TMEM132B: variants seen among roughly 807,000 people sequenced by gnomAD.
TMEM132B encodes the protein transmembrane protein 132B.
Under a neutral mutation model 90.8 loss-of-function variants are expected in TMEM132B, and 18 were observed. The ratio of observed to expected loss-of-function variants is 0.20; its 90% CI spans 0.14 to 0.29. TMEM132B has a LOEUF of 0.29. Among genes scored for constraint, TMEM132B ranks in the 10% least tolerant of loss-of-function variants. The pLI, the probability that TMEM132B is intolerant of heterozygous loss-of-function variation, is 1.00. For missense variants in TMEM132B, 1,096 were observed against 1,326.8 expected, an observed-to-expected ratio of 0.83 and a Z score of 2.70; for synonymous variants, 504 against 523.3, an observed-to-expected ratio of 0.96 and a Z score of 0.50.
chr12:125,445,759 C>T lies in TMEM132B; in HGVS notation c.1106+30082C>T, dbSNP rs1415630838. The stretch of plus-strand genomic sequence containing the variant: ...TGCTGCCCTGACACCCTCTGCTTAC[C>T]CCACCAGCCTGCACCGCGGAGAGTT... On this transcript the variant is annotated intron_variant, in intron 3 of 8. Coordinates refer to ENST00000682704, the MANE Select transcript of TMEM132B (RefSeq NM_001366854.1). The surrounding 1 kb of genome is among the most constrained non-coding windows in gnomAD (Gnocchi z 4.3). Among the ~76,000 whole-genome samples the T allele has an allele frequency of 6.6e-6, 1 of 152,164 alleles. No homozygotes were observed. Among genetic ancestry groups the T allele is most frequent in the Non-Finnish European group, 1.5e-5 (1 of 68,030 alleles).
rs575545321 is a variant in TMEM132B at position 125,575,931 on chromosome 12, G to T, written c.1294-7920G>T. Among the ~76,000 whole-genome samples the T allele has an allele frequency of 5.3e-5, 8 of 152,116 alleles. 1 individual carries two copies. The South Asian group carries it at 1.7e-3, about 32-fold the overall frequency. On this transcript the variant is annotated intron_variant, in intron 4 of 8. Transcript: ENST00000682704. ...ATCAGGAAGTGTGAGCCTTCCAACTGTTATTTATCCAGATTGCTATGGCTA... is the reference window on the plus strand; with the variant it reads ...ATCAGGAAGTGTGAGCCTTCCAACTTTTATTTATCCAGATTGCTATGGCTA...
chr12:125,221,959 G>A (rs533947470), intron 1 of TMEM132B, among the ~76,000 whole-genome samples: 23 of 152,298 alleles, frequency 1.5e-4, no homozygotes, highest in African/African-American at 4.6e-4. Flanking sequence ...CTCATGGAGC[G>A]GTTGTGGAGC....
intron 2 of TMEM132B, among the ~76,000 whole-genome samples, chr12:125,357,153 A>G (rs1877802911): frequency 6.6e-6 from 1 of 152,256 alleles, no homozygotes; most frequent in Non-Finnish European, 1.5e-5. Context: ...CAATGAATAA[A>G]TGAATCGTCA....
chr12:125,252,944 C>T (rs908589058), intron 1 of TMEM132B, among the ~76,000 whole-genome samples: 18 of 152,218 alleles, frequency 1.2e-4, no homozygotes, highest in South Asian at 6.2e-4. Flanking sequence ...TTTCTAAGAA[C>T]TCAAAGGGGT....
chr12:125,349,516 C>A lies in TMEM132B; in HGVS notation c.132C>A (p.Pro44=), dbSNP rs570981472. The change falls in exon 2 of 9, where the codon CCC becomes CCA. Residue 44 remains proline, a synonymous_variant. Coordinates refer to ENST00000682704, the MANE Select transcript of TMEM132B (RefSeq NM_001366854.1). The surrounding 1 kb of genome is among the most constrained non-coding windows in gnomAD (Gnocchi z 4.1). ...QKFSSLPAYL[P]TNLHISNAEE... ...TTTCCTCGCTCCCTGCTTACCTCCC[C>A]ACGAACTTGCACATCTCCAATGCAG... 1.2e-6 allele frequency: 2 copies of A among 1,614,152 alleles called. No individual in the cohort carries two copies. Among genetic ancestry groups the A allele is most frequent in the East Asian group, 2.2e-5 (1 of 44,882 alleles).
intron 5 of TMEM132B, among the ~76,000 whole-genome samples, chr12:125,623,746 C>G (rs1213899739): frequency 6.6e-6 from 1 of 152,218 alleles, no homozygotes; most frequent in Non-Finnish European, 1.5e-5. Context: ...GGGCTTCCTG[C>G]AGGGCATCGC....
At chr12:125,544,145 A>G (rs1302500403) in intron 4 of TMEM132B, among the ~76,000 whole-genome samples, 2 of 152,216 alleles carry the variant, frequency 1.3e-5, no homozygotes, top group African/African-American at 4.8e-5. Context: ...TGGGAGTTGA[A>G]CAGTGAGAAC....
At chr12:125,252,881 CAG>C in intron 1 of TMEM132B, among the ~76,000 whole-genome samples, 1 of 152,340 alleles carries the variant, frequency 6.6e-6, no homozygotes, top group East Asian at 1.9e-4. Context: ...TTTCTTGAAA[CAG>C]GGTACCTGAC....
At chr12:125,629,143 G>A (rs1029695835) in intron 5 of TMEM132B, among the ~76,000 whole-genome samples, 11 of 152,020 alleles carry the variant, frequency 7.2e-5, no homozygotes, top group Admixed American at 2.6e-4. Flanking sequence ...GTCTTTTGTG[G>A]TTCCATAGAA....
chr12:125,310,579 C>T (rs1166786864), intron 1 of TMEM132B, among the ~76,000 whole-genome samples: 2 of 152,186 alleles, frequency 1.3e-5, no homozygotes, highest in Non-Finnish European at 2.9e-5. Flanking sequence ...CCTAACCACT[C>T]CCTACCCCAG....
intron 3 of TMEM132B, among the ~76,000 whole-genome samples, chr12:125,495,101 A>G (rs1260126748): frequency 1.6e-4 from 5 of 31,140 alleles, no homozygotes; most frequent in Admixed American, 4.7e-4. Flanking sequence ...AAATGGCCGC[A>G]TCTCTCCTCC....
At chr12:125,488,547 C>T (rs933867086) in intron 3 of TMEM132B, among the ~76,000 whole-genome samples, 5 of 152,166 alleles carry the variant, frequency 3.3e-5, no homozygotes, top group South Asian at 2.1e-4. Context: ...AAAATGGGAA[C>T]TGCCCTGCAC....
At chr12:125,637,579 G>A (rs774921780) in intron 5 of TMEM132B, among the ~76,000 whole-genome samples, 4 of 152,076 alleles carry the variant, frequency 2.6e-5, no homozygotes, top group Non-Finnish European at 4.4e-5. Context: ...GCAAAGTGGG[G>A]GGACAACTTG....
chr12:125,559,556 C>G (rs1386637968), intron 4 of TMEM132B, among the ~76,000 whole-genome samples: 1 of 152,158 alleles, frequency 6.6e-6, no homozygotes, highest in Non-Finnish European at 1.5e-5. Context: ...AGCCAGACGC[C>G]CTCCTGGTCT....
chr12:125,336,597 G>C (rs1472588498), intron 1 of TMEM132B, among the ~76,000 whole-genome samples: 1 of 152,232 alleles, frequency 6.6e-6, no homozygotes, highest in African/African-American at 2.4e-5. Flanking sequence ...AAACAAGTCT[G>C]AATCAGTGAG....
At chr12:125,569,626 C>T (rs541007852) in intron 4 of TMEM132B, among the ~76,000 whole-genome samples, 1 of 152,192 alleles carries the variant, frequency 6.6e-6, no homozygotes, top group South Asian at 2.1e-4. Context: ...GTAACAGAAA[C>T]CAACTAGGGC....
intron 3 of TMEM132B, among the ~76,000 whole-genome samples, chr12:125,465,620 C>G (rs910825576): frequency 3.3e-5 from 5 of 152,196 alleles, no homozygotes; most frequent in Admixed American, 6.5e-5. Flanking sequence ...CTAGGGTGTG[C>G]CCCCTGGACG....
chr12:125,532,876 G>A (rs931108931), intron 4 of TMEM132B, among the ~76,000 whole-genome samples: 1 of 152,110 alleles, frequency 6.6e-6, no homozygotes, highest in African/African-American at 2.4e-5. Context: ...TGTTGACAGC[G>A]AACTAGATTA....
chr12:125,616,589 A>G lies in TMEM132B; in HGVS notation c.1438-27487A>G, dbSNP rs1450324789. Among the ~76,000 whole-genome samples the G allele has an allele frequency of 2.0e-5, 3 of 152,228 alleles. No homozygotes were observed. The South Asian group carries it at 6.2e-4, about 32-fold the overall frequency. The stretch of plus-strand genomic sequence containing the variant: ...TCTACAGATGCAAATTTGCTCCACA[A>G]AAGACAGCTTTGCAAAGCTACTTCT... On this transcript the variant is annotated intron_variant, in intron 5 of 8. Transcript: ENST00000682704.
Sources: gnomAD v4.1 joint callset for allele counts (sites outside exome capture counted in the v4.1 genomes callset) on GRCh38, gnomAD v4.1.1 for gene constraint, Gnocchi (gnomAD v3.1) non-coding constraint, MANE v1.5 for transcripts, NCBI Gene and HGNC (gene_info 2026-07-23, HGNC 2026-07-21) for gene names.